Variants in SLC25A25 observed in about 807,000 individuals in gnomAD.
The protein encoded by SLC25A25 is mitochondrial adenyl nucleotide antiporter SLC25A25.
In SLC25A25, 32 loss-of-function variants were observed where a neutral mutation model predicts 57.7. The observed-to-expected ratio is 0.55, with a 90% CI of 0.42 to 0.74. The LOEUF is 0.74. Among genes scored for constraint, SLC25A25 ranks in the 30% least tolerant of loss-of-function variants. The pLI is 0.00. For synonymous variants in SLC25A25, 306 were observed against 291.2 expected (o/e 1.05, Z -0.52); for missense variants, 556 against 701.3 (o/e 0.79, Z 2.34).
rs573788558 is a variant in SLC25A25, at chr9:128,096,971, G to C, written c.262-4125G>C. ...ACTCGTTATCAGATCTCTGTTAGAA[G>C]GCCCAAATGTCATATCACTTGTCAT... On this transcript the variant is annotated intron_variant, in intron 1 of 10. Coordinates refer to ENST00000373069, the MANE Select transcript of SLC25A25 (RefSeq NM_001330988.2). Among the ~76,000 whole-genome samples, 8 of 152,190 alleles carry C rather than the reference G, an allele frequency of 5.3e-5. No homozygotes were observed. In the South Asian group the frequency reaches 1.7e-3, roughly 31 times the overall value.
intron 1 of SLC25A25, among the ~76,000 whole-genome samples, chr9:128,072,451 G>T (rs929647042): frequency 1.2e-4 from 18 of 152,216 alleles, no homozygotes; most frequent in African/African-American, 4.1e-4. Flanking sequence ...AGCTGTGAGT[G>T]CTTATCAGGG....
chr9:128,082,405 C>T (rs1460397795), intron 1 of SLC25A25, among the ~76,000 whole-genome samples: 1 of 152,156 alleles, frequency 6.6e-6, no homozygotes, highest in African/African-American at 2.4e-5. Flanking sequence ...TCCTGCCTTA[C>T]AGCCTGAAAC....
Position 128,107,876 on chromosome 9 carries a change from A to G in SLC25A25, c.*432A>G. Reference sequence around the variant, plus strand: ...TTGCTGCCTGCCTGTCTGCTGAGGTAAGGTGGGAGGAGGGCTACAGCCCAC... The same window carrying G: ...TTGCTGCCTGCCTGTCTGCTGAGGTGAGGTGGGAGGAGGGCTACAGCCCAC... On this transcript the variant is annotated 3_prime_UTR_variant, in exon 11 of 11. Coordinates refer to ENST00000373069, the MANE Select transcript of SLC25A25 (RefSeq NM_001330988.2). The G allele has an allele frequency of 2.5e-6, 1 of 401,454 alleles. No individual in the cohort carries two copies. Among genetic ancestry groups the G allele is most frequent in the Non-Finnish European group, 4.4e-6 (1 of 228,030 alleles). The allele number at this position is 401,454 out of a possible 1,614,324, so 24.9% of individuals were successfully genotyped here. A position where few individuals can be genotyped will look rare whatever the true frequency, so the allele number is the denominator to read the frequency against.
chr9:128,108,078 A>G lies in SLC25A25; in HGVS notation c.*634A>G. Reference sequence around the variant, plus strand: ...CTGCTGATGGCTGGGGCTCTCGGGCATGCTTGGGAGTGCAGGGGGCTCGGG... The same window carrying G: ...CTGCTGATGGCTGGGGCTCTCGGGCGTGCTTGGGAGTGCAGGGGGCTCGGG... On this transcript the variant is annotated 3_prime_UTR_variant, in exon 11 of 11. Transcript: ENST00000373069. The G allele has an allele frequency of 2.5e-6, 1 of 399,190 alleles. No homozygotes were observed. The highest frequency in any genetic ancestry group is 4.4e-6 in the Non-Finnish European group (1 of 226,422). 24.7% of individuals were successfully genotyped at this position (399,190 alleles called of 1,614,324 possible).
intron 1 of SLC25A25, among the ~76,000 whole-genome samples, chr9:128,088,647 G>A (rs1833331456): frequency 6.6e-6 from 1 of 152,216 alleles, no homozygotes. Context: ...TCCTTAGCCT[G>A]TTGTCCAGCG....
Position 128,102,436 on chromosome 9 carries a change from C to T in SLC25A25, c.579C>T (p.Pro193=), listed in dbSNP as rs576891746. Residue 193 remains proline (P), a synonymous_variant, in exon 5 of 11, where the codon CCC becomes CCT. Transcript: ENST00000373069. This position sits in a 1 kb window ranked among gnomAD's most constrained non-coding sequence, Gnocchi z 4.1. ...NEWRDYHLLH[P]VENIPEIILY... ...GGAGAGACTACCACCTCCTCCACCC[C>T]GTGGAAAACATCCCCGAGATCATCC... 33 of 1,614,032 alleles carry T rather than the reference C, an allele frequency of 2.0e-5. No homozygotes were observed. The highest frequency in any genetic ancestry group is 9.3e-5 in the African/African-American group (7 of 75,006).
rs1321644632 is a variant in SLC25A25 at position 128,077,089 on chromosome 9, A to G, written c.261+8509A>G. Among the ~76,000 whole-genome samples, 3 of 152,286 alleles carry G rather than the reference A, an allele frequency of 2.0e-5. No individual in the cohort carries two copies. In the East Asian group the frequency reaches 5.8e-4, roughly 29 times the overall value. On this transcript the variant is annotated intron_variant, in intron 1 of 10. Coordinates refer to ENST00000373069, the MANE Select transcript of SLC25A25 (RefSeq NM_001330988.2). Reference sequence around the variant, plus strand: ...CTGAAATCTGTGGTCTTATCTTCCTATAATCTCTGCTGCTGCTAAAAACAG... The same window carrying G: ...CTGAAATCTGTGGTCTTATCTTCCTGTAATCTCTGCTGCTGCTAAAAACAG...
In SLC25A25 at chr9:128,098,947, T is replaced by C. The variant is rs1232676598; in HGVS notation, c.262-2149T>C. The C allele has an allele frequency of 4.1e-6, 4 of 985,298 alleles. No homozygotes were observed. The Admixed American group carries it at 2.5e-4, about 61-fold the overall frequency. 61.0% of individuals were successfully genotyped at this position (985,298 alleles called of 1,614,324 possible). On this transcript the variant is annotated intron_variant, in intron 1 of 10. Transcript: ENST00000373069. ...AGGCTGGAATTCCAGCGAAGGCTGT[T>C]GTGAGAAATGGACTTTCAGAAAGGA...
chr9:128,104,092 C>T (rs995910476), intron 6 of SLC25A25, among the ~76,000 whole-genome samples: 5 of 152,118 alleles, frequency 3.3e-5, no homozygotes, highest in Non-Finnish European at 7.3e-5. Context: ...GTGAAGCTAG[C>T]GAGACTGGGG....
chr9:128,068,397 C>T lies in SLC25A25; in HGVS notation c.78C>T (p.Ala26=). 1 of 1,558,082 alleles carries T rather than the reference C, an allele frequency of 6.4e-7. No individual in the cohort carries two copies. Among genetic ancestry groups the T allele is most frequent in the Non-Finnish European group, 8.6e-7 (1 of 1,161,144 alleles). The change falls in exon 1 of 11, where the codon GCC becomes GCT. Residue 26 remains alanine, a synonymous_variant. Transcript: ENST00000373069. ...DAAATAASSS[A]SSPASVGDPC... Reference sequence around the variant, plus strand: ...CCGCCACCGCCGCCTCTTCGTCTGCCTCATCGCCGGCGTCCGTGGGGGACC... The same window carrying T: ...CCGCCACCGCCGCCTCTTCGTCTGCTTCATCGCCGGCGTCCGTGGGGGACC...
intron 1 of SLC25A25, among the ~76,000 whole-genome samples, chr9:128,080,578 C>A (rs557765384): frequency 6.6e-6 from 1 of 151,106 alleles, no homozygotes; most frequent in African/African-American, 2.4e-5. Flanking sequence ...CGCCACCGTG[C>A]CCGGCTAATT....
intron 1 of SLC25A25, among the ~76,000 whole-genome samples, chr9:128,071,363 G>GGT (rs1241313130): frequency 5.3e-5 from 8 of 151,920 alleles, no homozygotes; most frequent in African/African-American, 1.9e-4. Flanking sequence ...TTATTCTTTT[G>GGT]GTGTGTGGGT....
chr9:128,077,385 C>T (rs990553925), intron 1 of SLC25A25, among the ~76,000 whole-genome samples: 1 of 152,026 alleles, frequency 6.6e-6, no homozygotes, highest in African/African-American at 2.4e-5. Context: ...GGCGCGGTGG[C>T]GGGCGCCTGT....
rs765517194 is a variant in SLC25A25, at chr9:128,068,318, C to G, written c.-2C>G. The G allele has an allele frequency of 5.8e-4, 823 of 1,419,616 alleles. No individual in the cohort carries two copies. Among genetic ancestry groups the G allele is most frequent in the Non-Finnish European group, 7.1e-4 (769 of 1,088,166 alleles). 87.9% of individuals were successfully genotyped at this position (1,419,616 alleles called of 1,614,324 possible). On this transcript the variant is annotated 5_prime_UTR_variant, in exon 1 of 11. Transcript: ENST00000373069. ...GCGCCCGGAGCCCCTGCCTCGCGCC[C>G]GATGGTGAGCAGTGTGTTGTGCCGC...
rs146596005 is a variant in SLC25A25 at position 128,102,388 on chromosome 9, G to A, written c.531G>A (p.Thr177=). The change falls in exon 5 of 11, where the codon ACG becomes ACA. Residue 177 remains threonine (T), a synonymous_variant. Coordinates refer to ENST00000373069, the MANE Select transcript of SLC25A25 (RefSeq NM_001330988.2). This position sits in a 1 kb window ranked among gnomAD's most constrained non-coding sequence, Gnocchi z 4.1. ...CTTGCAGCATGGATAAAAACGGCAC[G>A]ATGACCATTGACTGGAACGAGTGGA... ...GPVTYMDKNG[T]MTIDWNEWRD... The A allele has an allele frequency of 1.7e-4, 281 of 1,613,862 alleles. 1 individual carries two copies. The highest frequency in any genetic ancestry group is 2.8e-5 in the Non-Finnish European group (33 of 1,179,960).
At position 128,107,979 on chromosome 9, in the gene SLC25A25, C is replaced by A. The variant is rs3814524; in HGVS notation, c.*535C>A. On this transcript the variant is annotated 3_prime_UTR_variant, in exon 11 of 11. Transcript: ENST00000373069. ...GGCCTCCCAGGCCTGACTTCCCAAC[C>A]TACAGCATTGACGCCAACTTGGCTG... 4.5e-5 allele frequency: 18 copies of A among 398,848 alleles called. No homozygotes were observed. Among genetic ancestry groups the A allele is most frequent in the Non-Finnish European group, 8.0e-5 (18 of 226,290 alleles). The allele number at this position is 398,848 out of a possible 1,614,324, so 24.7% of individuals were successfully genotyped here. A position where few individuals can be genotyped will look rare whatever the true frequency, so the allele number is the denominator to read the frequency against.
rs1832824358 is a variant in SLC25A25 at position 128,068,301 on chromosome 9, A to G, written c.-19A>G. The G allele has an allele frequency of 2.3e-6, 3 of 1,312,494 alleles. No homozygotes were observed. The highest frequency in any genetic ancestry group is 2.9e-6 in the Non-Finnish European group (3 of 1,026,266). 81.3% of individuals were successfully genotyped at this position (1,312,494 alleles called of 1,614,324 possible). A position where few individuals can be genotyped will look rare whatever the true frequency, so the allele number is the denominator to read the frequency against. On this transcript the variant is annotated 5_prime_UTR_variant, in exon 1 of 11. Coordinates refer to ENST00000373069, the MANE Select transcript of SLC25A25 (RefSeq NM_001330988.2). ...CGCCCCCGCTCCCGCCCGCGCCCGG[A>G]GCCCCTGCCTCGCGCCCGATGGTGA... is the stretch of plus-strand genomic sequence containing the variant.
intron 1 of SLC25A25, among the ~76,000 whole-genome samples, chr9:128,076,492 GTCTC>G (rs1164711412): frequency 2.1e-5 from 3 of 143,404 alleles, no homozygotes; most frequent in Non-Finnish European, 4.5e-5. Flanking sequence ...TTGAGACAGA[GTCTC>G]TCTCTCTCGC....
chr9:128,094,718 C>T (rs556763119), intron 1 of SLC25A25, among the ~76,000 whole-genome samples: 2 of 152,258 alleles, frequency 1.3e-5, no homozygotes, highest in African/African-American at 2.4e-5. Context: ...CATGGTATTC[C>T]GGCCTTTACC....
Sources: gnomAD v4.1 joint callset for allele counts (sites outside exome capture counted in the v4.1 genomes callset) on GRCh38, gnomAD v4.1.1 for gene constraint, Gnocchi (gnomAD v3.1) non-coding constraint, MANE v1.5 for transcripts, NCBI Gene and HGNC (gene_info 2026-07-23, HGNC 2026-07-21) for gene names.